The following GABPB1 variants were observed in gnomAD, a reference collection of about 807,000 sequenced individuals.
GABPB1 encodes GA binding protein transcription factor subunit beta 1.
In GABPB1, 15 loss-of-function variants were observed where a neutral mutation model predicts 45.9. That is an observed-to-expected ratio of 0.33 (90% CI 0.22 to 0.50). The LOEUF (loss-of-function observed/expected upper bound fraction) is 0.50. Among genes scored for constraint, GABPB1 ranks in the 20% least tolerant of loss-of-function variants. The pLI, the probability that GABPB1 is intolerant of heterozygous loss-of-function variation, is 0.98. For synonymous variants in GABPB1, 143 were observed against 154.4 expected (o/e 0.93, Z 0.55); for missense variants, 252 against 457.5 (o/e 0.55, Z 4.10).
At position 50,343,024 on chromosome 15, in the gene GABPB1, C is replaced by G. The variant is rs186688632; in HGVS notation, c.-1+11961G>C. Among the ~76,000 whole-genome samples, 70 of 152,210 alleles carry G rather than the reference C, an allele frequency of 4.6e-4. No homozygotes were observed. The East Asian group carries it at 0.011, about 25-fold the overall frequency. On this transcript the variant is annotated intron_variant, in intron 1 of 8. Transcript: ENST00000380877. ...ACGCCATTCTCCTGCCTCAGCGTCC[C>G]GAGTAGCTGGGACTACAGGCGCCCA...
At chr15:50,284,196 A>C (rs779076437) in intron 8 of GABPB1, among the ~76,000 whole-genome samples, 1 of 152,168 alleles carries the variant, frequency 6.6e-6, no homozygotes, top group African/African-American at 2.4e-5. Flanking sequence ...GACTTCATGT[A>C]TTATAAGGAA....
intron 1 of GABPB1, chr15:50,349,146 TAC>T (rs2141185044): frequency 6.6e-6 from 1 of 152,350 alleles, no homozygotes; most frequent in Non-Finnish European, 1.5e-5. Flanking sequence ...TGAAGCTATT[TAC>T]AGTCTTTATC....
rs1251304779 is a variant in GABPB1, at chr15:50,277,794, T to G, written c.*838A>C. On this transcript the variant is annotated 3_prime_UTR_variant, in exon 9 of 9. Transcript: ENST00000380877. Reference sequence around the variant, plus strand: ...AGAATACAGTTTCACGTCCCCACTCTTAAATTTTCAAAAAAGCACAGATTT... The same window carrying G: ...AGAATACAGTTTCACGTCCCCACTCGTAAATTTTCAAAAAAGCACAGATTT... 1 of 152,644 alleles carries G rather than the reference T, an allele frequency of 6.6e-6. No individual in the cohort carries two copies. Among genetic ancestry groups the G allele is most frequent in the African/African-American group, 2.4e-5 (1 of 41,466 alleles). 9.5% of individuals were successfully genotyped at this position (152,644 alleles called of 1,614,324 possible).
In GABPB1 at chr15:50,278,789, T is replaced by A. The variant is rs771737547; in HGVS notation, c.1000-5A>T. 1.1e-4 allele frequency: 165 copies of A among 1,565,262 alleles called. No homozygotes were observed. Among genetic ancestry groups the A allele is most frequent in the Non-Finnish European group, 1.4e-4 (161 of 1,166,222 alleles). On this transcript the variant is annotated splice_polypyrimidine_tract_variant and splice_region_variant and intron_variant, in intron 8 of 8. Coordinates refer to ENST00000380877, the MANE Select transcript of GABPB1 (RefSeq NM_016654.5). The stretch of plus-strand genomic sequence containing the variant: ...TTTCTGAAGAGCTTCTCTCTCCTAA[T>A]TAAAAGAAGAGGGTTTTTTTTTTAA...
chr15:50,301,303 T>C lies in GABPB1; in HGVS notation c.537A>G (p.Ala179=). Residue 179 remains alanine, a synonymous_variant, in exon 5 of 9, where the codon GCA becomes GCG. Transcript: ENST00000380877. ...CAGGTCCAATGATAAACTGTGGTGTTGCAGCATGTATTGTCACAGTGTCAG... is the reference window on the plus strand; with the variant it reads ...CAGGTCCAATGATAAACTGTGGTGTCGCAGCATGTATTGTCACAGTGTCAG... The part of the protein sequence containing the change: ...ESPDTVTIHA[A]TPQFIIGPGG... 1 of 1,614,146 alleles carries C rather than the reference T, an allele frequency of 6.2e-7. No individual in the cohort carries two copies. Among genetic ancestry groups the C allele is most frequent in the Non-Finnish European group, 8.5e-7 (1 of 1,179,976 alleles).
chr15:50,339,898 A>G (rs1487240871), intron 1 of GABPB1, among the ~76,000 whole-genome samples: 1 of 152,096 alleles, frequency 6.6e-6, no homozygotes. Context: ...CACCCTCTTT[A>G]CTTCCCAATT....
rs557147769 is a variant in GABPB1, at chr15:50,275,825, G to A, written c.*2807C>T. On this transcript the variant is annotated 3_prime_UTR_variant, in exon 9 of 9. Transcript: ENST00000380877. ...AAATAACAATAAATGAAAATTAGTT[G>A]AGAAGCACAGTCCCTGCAGATACTA... is the stretch of plus-strand genomic sequence containing the variant. 1.3e-5 allele frequency: 2 copies of A among 152,332 alleles called. No individual in the cohort carries two copies. Among genetic ancestry groups the A allele is most frequent in the East Asian group, 3.9e-4 (2 of 5,192 alleles). 9.4% of individuals were successfully genotyped at this position (152,332 alleles called of 1,614,324 possible).
chr15:50,336,076 C>A (rs2048113202), intron 1 of GABPB1, among the ~76,000 whole-genome samples: 1 of 150,424 alleles, frequency 6.6e-6, no homozygotes, highest in Non-Finnish European at 1.5e-5. Context: ...TGAGGCTTGG[C>A]ATGGTGGCTC....
intron 1 of GABPB1, chr15:50,351,660 A>AGAGGGAGGGAGGGAGG (rs59107787): frequency 1.7e-5 from 2 of 115,668 alleles, no homozygotes; most frequent in East Asian, 3.1e-4. Flanking sequence ...GAGAGAGGAA[A>AGAGGGAGGGAGGGAGG]GAGGGAGGGA....
rs1319133070 is a variant in GABPB1 at position 50,309,677 on chromosome 15, A to C, written c.108+14T>G. 1.4e-6 allele frequency: 2 copies of C among 1,441,916 alleles called. No homozygotes were observed. Among genetic ancestry groups the C allele is most frequent in the African/African-American group, 2.8e-5 (2 of 71,346 alleles). 89.3% of individuals were successfully genotyped at this position (1,441,916 alleles called of 1,614,324 possible). A position where few individuals can be genotyped will look rare whatever the true frequency, so the allele number is the denominator to read the frequency against. On this transcript the variant is annotated intron_variant, in intron 2 of 8. Transcript: ENST00000380877. ...GAAGGAAAAAGAACACACAATATTA[A>C]AATCATTCTTTACCCAGTCTGTAGT...
chr15:50,319,474 CTCCGTATG>C (rs1567521083), intron 1 of GABPB1, among the ~76,000 whole-genome samples: 1 of 152,136 alleles, frequency 6.6e-6, no homozygotes, highest in African/African-American at 2.4e-5. Flanking sequence ...TATTATCCCC[CTCCGTATG>C]TCCATGTATA....
At chr15:50,313,069 C>G (rs993269074) in intron 1 of GABPB1, among the ~76,000 whole-genome samples, 1 of 151,868 alleles carries the variant, frequency 6.6e-6, no homozygotes, top group Non-Finnish European at 1.5e-5. Context: ...TTAAAATAAT[C>G]AAAATAAGAA....
intron 1 of GABPB1, among the ~76,000 whole-genome samples, chr15:50,338,721 G>A (rs1055069136): frequency 4.0e-5 from 6 of 151,248 alleles, no homozygotes; most frequent in South Asian, 2.1e-4. Context: ...TGATCCACCC[G>A]GGCCTTGAAA....
chr15:50,285,796 C>T (rs2046133890), intron 8 of GABPB1: 1 of 1,236,084 alleles, frequency 8.1e-7, no homozygotes, highest in African/African-American at 1.6e-5. Flanking sequence ...AAGTTTAAAA[C>T]ATAAAGGATG....
intron 1 of GABPB1, among the ~76,000 whole-genome samples, chr15:50,341,517 G>C (rs774292283): frequency 6.6e-6 from 1 of 151,482 alleles, no homozygotes; most frequent in Non-Finnish European, 1.5e-5. Flanking sequence ...TGGGCAACAA[G>C]AGTGAAACCC....
intron 1 of GABPB1, among the ~76,000 whole-genome samples, chr15:50,348,339 C>T (rs1365694502): frequency 1.3e-5 from 2 of 152,090 alleles, no homozygotes; most frequent in Non-Finnish European, 2.9e-5. Context: ...ACTACAACCT[C>T]CGCCTCCCAG....
intron 1 of GABPB1, among the ~76,000 whole-genome samples, chr15:50,339,832 C>T (rs1294420427): frequency 6.6e-6 from 1 of 152,186 alleles, no homozygotes; most frequent in Non-Finnish European, 1.5e-5. Flanking sequence ...ATGTCCAGAA[C>T]TTCCCAGGCA....
chr15:50,342,186 T>G (rs2141161923), intron 1 of GABPB1, among the ~76,000 whole-genome samples: 1 of 152,318 alleles, frequency 6.6e-6, no homozygotes, highest in Non-Finnish European at 1.5e-5. Context: ...CTCAGCAAAA[T>G]GAATTAATCA....
chr15:50,311,977 C>T (rs1189819794), intron 1 of GABPB1, among the ~76,000 whole-genome samples: 1 of 152,148 alleles, frequency 6.6e-6, no homozygotes, highest in Non-Finnish European at 1.5e-5. Flanking sequence ...GTGAGATATA[C>T]ATATCCCAAA....
Sources: allele counts gnomAD v4.1 joint callset (sites outside exome capture counted in the v4.1 genomes callset), GRCh38; gene constraint gnomAD v4.1.1; transcripts MANE v1.5; gene names NCBI Gene and HGNC (gene_info 2026-07-23, HGNC 2026-07-21).